The following CXXC1 variants were observed in gnomAD, a reference collection of about 807,000 sequenced individuals.
CXXC1 encodes CXXC finger protein 1.
A neutral mutation model predicts 83.6 loss-of-function variants in CXXC1; 21 were observed. That is an observed-to-expected ratio of 0.25 (90% CI 0.18 to 0.36). The LOEUF is 0.36. Among genes scored for constraint, CXXC1 ranks in the 10% least tolerant of loss-of-function variants. The pLI, the probability that CXXC1 is intolerant of heterozygous loss-of-function variation, is 1.00. For synonymous variants in CXXC1, 371 were observed against 337.5 expected (o/e 1.10, Z -1.09); for missense variants, 688 against 919.5 (o/e 0.75, Z 3.26).
rs1405243036 is a variant in CXXC1, at chr18:50,286,233, C to T, written c.248G>A (p.Arg83His). The T allele has an allele frequency of 1.2e-6, 2 of 1,609,962 alleles. No individual in the cohort carries two copies. Among genetic ancestry groups the T allele is most frequent in the South Asian group, 1.1e-5 (1 of 90,904 alleles). ...CREKDPKLEI[R>H]YRHKKSRERD... is the part of the protein sequence containing the mutation. The stretch of plus-strand genomic sequence containing the variant: ...CTCCCGTGACTTCTTGTGCCGATAG[C>T]GAATCTCTAGCTTGGGGTCTTTCTC... The change falls in exon 4 of 15, where the codon CGC (arginine) becomes CAC (histidine). Residue 83 changes from arginine to histidine, a missense_variant. Transcript: ENST00000285106.
Position 50,283,978 on chromosome 18 carries a change from G to C in CXXC1, c.1329C>G (p.Arg443=), listed in dbSNP as rs765897709. The change falls in exon 10 of 15, where the codon CGC becomes CGG. Residue 443 remains arginine (R), a synonymous_variant. Transcript: ENST00000285106. The stretch of plus-strand genomic sequence containing the variant: ...GGAATCGGCGTTCCATTTCCTGAAG[G>C]CGAGTGCGGGCACTCTGCTGCTCTC... ...IRREQQSART[R]LQEMERRFHE... is the part of the protein sequence containing the mutation. The C allele has an allele frequency of 6.2e-7, 1 of 1,613,768 alleles. No homozygotes were observed. The highest frequency in any genetic ancestry group is 8.5e-7 in the Non-Finnish European group (1 of 1,179,988).
intron 8 of CXXC1, 84 bp from the exon 9 acceptor site, chr18:50,284,646 G>A (rs2040683797): frequency 6.2e-7 from 1 of 1,606,438 alleles, no homozygotes; most frequent in Non-Finnish European, 8.5e-7. Flanking sequence ...GCCCTTTCTG[G>A]CTCTTGCCCC....
rs375309403 is a variant in CXXC1 at position 50,283,831 on chromosome 18, G to A, written c.1414-16C>T. The A allele has an allele frequency of 5.8e-5, 94 of 1,614,006 alleles. No individual in the cohort carries two copies. The highest frequency in any genetic ancestry group is 5.0e-4 in the Middle Eastern group (3 of 6,060). On this transcript the variant is annotated splice_polypyrimidine_tract_variant and intron_variant, in intron 10 of 14. Transcript: ENST00000285106. ...CCTCGTTGCTCTGCATGGAATGGAA[G>A]GAACAATAAGGCTGGGAAGGACAAA...
Position 50,285,782 on chromosome 18 carries a change from C to T in CXXC1, c.606G>A (p.Lys202=). Residue 202 remains lysine (K), a synonymous_variant, in exon 5 of 15, where the codon AAG becomes AAA. Transcript: ENST00000285106. The surrounding 1 kb of genome is among the most constrained non-coding windows in gnomAD (Gnocchi z 4.4). ...KFGGPNKIRQ[K]CRLRQCQLRA... ...GCAGCTGGCACTGGCGCAGCCGGCA[C>T]TTCTGCCGGATCTTGTTGGGGCCCC... 1 of 1,614,034 alleles carries T rather than the reference C, an allele frequency of 6.2e-7. No individual in the cohort carries two copies. The highest frequency in any genetic ancestry group is 8.5e-7 in the Non-Finnish European group (1 of 1,180,040).
chr18:50,283,985 C>T lies in CXXC1; in HGVS notation c.1322G>A (p.Arg441His), dbSNP rs758217606. Residue 441 changes from arginine (R) to histidine (H), a missense_variant, in exon 10 of 15, where the codon CGC becomes CAC. Physicochemically the swap from Arg to His is conservative, Grantham distance 29. Transcript: ENST00000285106. ...ERIRREQQSA[R>H]TRLQEMERRF... ...GCGTTCCATTTCCTGAAGGCGAGTG[C>T]GGGCACTCTGCTGCTCTCGGCGAAT... 10 of 1,613,396 alleles carry T rather than the reference C, an allele frequency of 6.2e-6. No individual in the cohort carries two copies. The highest frequency in any genetic ancestry group is 1.1e-5 in the South Asian group (1 of 91,084).
At chr18:50,283,097 G>A (rs2040595283) in intron 13 of CXXC1, 91 bp from the exon 14 acceptor site, 5 of 1,463,836 alleles carry the variant, frequency 3.4e-6, no homozygotes, top group East Asian at 2.3e-5. Context: ...AGAATGGAGG[G>A]TTCAGGGAAC....
intron 3 of CXXC1, 22 bp from the exon 4 acceptor site, chr18:50,286,279 C>A: frequency 6.4e-7 from 1 of 1,573,476 alleles, no homozygotes; most frequent in Non-Finnish European, 8.6e-7. Context: ...AGAGTAGGGC[C>A]AAAGTGAGTG....
At position 50,286,010 on chromosome 18, in the gene CXXC1, G is replaced by A. The variant is rs766649248; in HGVS notation, c.459+12C>T. The A allele has an allele frequency of 1.2e-5, 20 of 1,613,554 alleles. No individual in the cohort carries two copies. Among genetic ancestry groups the A allele is most frequent in the African/African-American group, 2.7e-5 (2 of 74,930 alleles). On this transcript the variant is annotated intron_variant, in intron 4 of 14. Coordinates refer to ENST00000285106, the MANE Select transcript of CXXC1 (RefSeq NM_014593.4). ...CACTTTACACATCCATTCACTTTAT[G>A]CAGCCACTCACCTGGCTGGGTGTGG... is the stretch of plus-strand genomic sequence containing the variant.
chr18:50,284,419 G>A lies in CXXC1; in HGVS notation c.1164C>T (p.Ser388=). 1 of 1,576,314 alleles carries A rather than the reference G, an allele frequency of 6.3e-7. No individual in the cohort carries two copies. The highest frequency in any genetic ancestry group is 1.2e-5 in the South Asian group (1 of 85,642). The part of the protein sequence containing the change: ...PGCVRPAQPS[S]KYCSDDCGMK... ...TGCCACAGTCATCTGAGCAATACTT[G>A]GAGCTGGGCTGGGCGGGGCGCACAC... is the stretch of plus-strand genomic sequence containing the variant. The change falls in exon 9 of 15, where the codon TCC becomes TCT. Residue 388 remains serine, a synonymous_variant. Coordinates refer to ENST00000285106, the MANE Select transcript of CXXC1 (RefSeq NM_014593.4).
chr18:50,287,508 CCT>C (rs1045046914), intron 1 of CXXC1, 77 bp downstream of exon 1: 23 of 1,552,166 alleles, frequency 1.5e-5, no homozygotes, highest in African/African-American at 1.4e-4. Flanking sequence ...ACCACAGACC[CCT>C]GAGTCGGCCG....
rs1013097637 is a variant in CXXC1 at position 50,286,944 on chromosome 18, G to A, written c.4-86C>T. Reference sequence around the variant, plus strand: ...ATTACAACTCCACCGTGGTCAGCAGGGATCCCCACTCTGCCTGCAGATTTC... The same window carrying A: ...ATTACAACTCCACCGTGGTCAGCAGAGATCCCCACTCTGCCTGCAGATTTC... On this transcript the variant is annotated intron_variant, in intron 1 of 14. Coordinates refer to ENST00000285106, the MANE Select transcript of CXXC1 (RefSeq NM_014593.4). 3.2e-6 allele frequency: 3 copies of A among 944,646 alleles called. No individual in the cohort carries two copies. The African/African-American group carries it at 4.9e-5, about 15-fold the overall frequency. The allele number at this position is 944,646 out of a possible 1,614,324, so 58.5% of individuals were successfully genotyped here.
intron 3 of CXXC1, 34 bp from the exon 4 acceptor site, chr18:50,286,291 G>A: frequency 6.5e-7 from 1 of 1,540,248 alleles, no homozygotes; most frequent in Non-Finnish European, 8.8e-7. Context: ...AAGTGAGTGA[G>A]CACTGGATGG....
chr18:50,283,157 C>G, intron 13 of CXXC1, 108 bp downstream of exon 13: 1 of 1,287,338 alleles, frequency 7.8e-7, no homozygotes, highest in Non-Finnish European at 1.1e-6. Context: ...AGCAGGGAAG[C>G]TGAGAGGAAA....
At chr18:50,287,469 G>A in intron 1 of CXXC1, 118 bp downstream of exon 1, 3 of 1,249,972 alleles carry the variant, frequency 2.4e-6, no homozygotes, top group East Asian at 4.8e-5. Flanking sequence ...GACTCCCGCC[G>A]TTCAGTCCAC....
chr18:50,282,644 C>T lies in CXXC1; in HGVS notation c.1920G>A (p.Thr640=), dbSNP rs943888762. ...AGLLALMLHQ[T]IQHDPLTTDL... ...CGGTAGTGAGGGGATCGTGCTGGAT[C>T]GTCTGGTGCAGCATCAGGGCCAGCA... is the stretch of plus-strand genomic sequence containing the variant. Residue 640 remains threonine (T), a synonymous_variant, in exon 15 of 15, where the codon ACG becomes ACA. Transcript: ENST00000285106. The surrounding 1 kb of genome is among the most constrained non-coding windows in gnomAD (Gnocchi z 5.8). The T allele has an allele frequency of 6.2e-7, 1 of 1,612,704 alleles. No homozygotes were observed. The highest frequency in any genetic ancestry group is 8.5e-7 in the Non-Finnish European group (1 of 1,180,016).
In CXXC1 at chr18:50,283,690, G is replaced by A; in HGVS notation, c.1524+15C>T. The A allele has an allele frequency of 6.2e-7, 1 of 1,613,428 alleles. No homozygotes were observed. ...TGTTCCCACATGGTCCGCCCCCTCA[G>A]TCTGACACCCCAACCTTGGCGTAGC... is the stretch of plus-strand genomic sequence containing the variant. On this transcript the variant is annotated intron_variant, in intron 11 of 14. Transcript: ENST00000285106.
chr18:50,283,148 G>A (rs2040603030), intron 13 of CXXC1, 117 bp downstream of exon 13: 7 of 1,266,066 alleles, frequency 5.5e-6, no homozygotes, highest in Admixed American at 5.2e-5. Flanking sequence ...GGGTGAAGCA[G>A]CAGGGAAGCT....
In CXXC1 at chr18:50,286,186, T is replaced by TGTCCCGCTCATTGCC; in HGVS notation, c.280_294dup (p.Gly94_Asp98dup). ...CCACCCTCATCCCGGGGCTCACTGC[T>TGTCCCGCTCATTGCC]GTCCCGCTCATTGCCATCCCGCTCC... On this transcript the variant is annotated inframe_insertion, in exon 4 of 15. Coordinates refer to ENST00000285106, the MANE Select transcript of CXXC1 (RefSeq NM_014593.4). 2 of 1,613,850 alleles carry TGTCCCGCTCATTGCC rather than the reference T, an allele frequency of 1.2e-6. No homozygotes were observed. Among genetic ancestry groups the TGTCCCGCTCATTGCC allele is most frequent in the East Asian group, 2.2e-5 (1 of 44,874 alleles).
At position 50,287,658 on chromosome 18, in the gene CXXC1, C is replaced by T; in HGVS notation, c.-69G>A. ...CCGCGAACCTGCACAGACCACTCGG[C>T]GGCGTCCCAGGCGGTTGCAAAGGCG... On this transcript the variant is annotated 5_prime_UTR_variant, in exon 1 of 15. Coordinates refer to ENST00000285106, the MANE Select transcript of CXXC1 (RefSeq NM_014593.4). 1 of 1,595,952 alleles carries T rather than the reference C, an allele frequency of 6.3e-7. No individual in the cohort carries two copies. The highest frequency in any genetic ancestry group is 2.3e-5 in the East Asian group (1 of 44,304).
Sources: allele counts gnomAD v4.1 joint callset, GRCh38; gene constraint gnomAD v4.1.1; non-coding constraint Gnocchi (gnomAD v3.1); transcripts MANE v1.5; gene names NCBI Gene and HGNC (gene_info 2026-07-23, HGNC 2026-07-21).